Variants in CELF2 observed in about 807,000 individuals in gnomAD.
CELF2 encodes CUG triplet repeat RNA-binding protein 2.
A neutral mutation model predicts 62.6 loss-of-function variants in CELF2; 8 were observed. That is an observed-to-expected ratio of 0.13 (90% CI 0.07 to 0.23). The LOEUF (loss-of-function observed/expected upper bound fraction) is 0.23. CELF2 is among the 10% of genes least tolerant of loss of function. The pLI is 1.00. For synonymous variants in CELF2, 258 were observed against 250.0 expected, an observed-to-expected ratio of 1.03 and a Z score of -0.30; for missense variants, 333 against 671.0, an observed-to-expected ratio of 0.50 and a Z score of 5.56.
intron 3 of CELF2, among the ~76,000 whole-genome samples, chr10:11,232,670 T>A (rs1241760402): frequency 6.6e-6 from 1 of 152,210 alleles, no homozygotes; most frequent in Non-Finnish European, 1.5e-5. Flanking sequence ...TGCATGGTAC[T>A]GATTTCAAGG....
chr10:10,988,081 C>G (rs996763492), intron 2 of CELF2, among the ~76,000 whole-genome samples: 1 of 152,052 alleles, frequency 6.6e-6, no homozygotes, highest in Non-Finnish European at 1.5e-5. Context: ...GTGGATCTAC[C>G]ATTCAATCCA....
At chr10:10,679,832 T>TAGAAC in the CELF2 span, among the ~76,000 whole-genome samples, 1 of 152,354 alleles carries the variant, frequency 6.6e-6, no homozygotes, top group South Asian at 2.1e-4. Context: ...AATGTTACAT[T>TAGAAC]ATTCCTTTTT....
intron 9 of CELF2, among the ~76,000 whole-genome samples, chr10:11,298,811 C>T (rs928686557): frequency 1.9e-4 from 29 of 152,014 alleles, no homozygotes; most frequent in African/African-American, 6.5e-4. Context: ...CGAAATACCA[C>T]AGCTCTGGAG....
At chr10:11,313,999 A>G (rs2094742776) in intron 9 of CELF2, 140 bp from the exon 10 acceptor site, 2 of 854,426 alleles carry the variant, frequency 2.3e-6, no homozygotes, top group African/African-American at 3.4e-5. Context: ...CCACAAGTAC[A>G]ATCCCACATG....
At chr10:11,038,194 G>C (rs562450264) in intron 1 of CELF2, among the ~76,000 whole-genome samples, 2 of 152,324 alleles carry the variant, frequency 1.3e-5, no homozygotes, top group East Asian at 1.9e-4. Context: ...CCAGCAAAGA[G>C]GAGCTGAGGT....
chr10:10,685,519 T>C, the CELF2 span, among the ~76,000 whole-genome samples: 4 of 152,350 alleles, frequency 2.6e-5, 1 homozygote, highest in East Asian at 7.7e-4. Context: ...TAGATTCACT[T>C]CTAATACTAT....
chr10:10,473,646 G>A, the CELF2 span, among the ~76,000 whole-genome samples: 8 of 152,040 alleles, frequency 5.3e-5, no homozygotes, highest in African/African-American at 9.6e-5. Flanking sequence ...TGCTATTTTC[G>A]TTGAGTCATT....
the CELF2 span, among the ~76,000 whole-genome samples, chr10:10,625,464 T>G: frequency 6.6e-6 from 1 of 152,208 alleles, no homozygotes; most frequent in Admixed American, 6.5e-5. Flanking sequence ...TGAAGCACAG[T>G]AATAATGCCT....
chr10:11,132,849 G>A (rs2059822864), intron 1 of CELF2, among the ~76,000 whole-genome samples: 1 of 152,192 alleles, frequency 6.6e-6, no homozygotes, highest in East Asian at 1.9e-4. Context: ...CATTCATGCA[G>A]TGAAATTGCT....
At chr10:11,053,191 ATTTGT>A (rs2064299706) in intron 1 of CELF2, among the ~76,000 whole-genome samples, 1 of 152,222 alleles carries the variant, frequency 6.6e-6, no homozygotes, top group African/African-American at 2.4e-5. Context: ...TTCTCTGGAC[ATTTGT>A]TTTATTATTA....
chr10:10,669,782 C>T, the CELF2 span, among the ~76,000 whole-genome samples: 2 of 152,166 alleles, frequency 1.3e-5, no homozygotes, highest in Non-Finnish European at 2.9e-5. Flanking sequence ...ATTCCCTGTC[C>T]CTCTGAATCC....
At chr10:11,062,452 G>A (rs547952398) in intron 1 of CELF2, among the ~76,000 whole-genome samples, 24 of 152,308 alleles carry the variant, frequency 1.6e-4, no homozygotes, top group South Asian at 1.2e-3. Context: ...TTCATGATTC[G>A]TGGGAGAAGG....
Position 11,319,964 on chromosome 10 carries a change from A to G in CELF2, c.1097-1225A>G, listed in dbSNP as rs1270967575. 4.5e-6 allele frequency: 2 copies of G among 444,742 alleles called. No homozygotes were observed. Among genetic ancestry groups the G allele is most frequent in the Admixed American group, 5.0e-5 (2 of 40,148 alleles). 27.5% of individuals were successfully genotyped at this position (444,742 alleles called of 1,614,324 possible). On this transcript the variant is annotated intron_variant, in intron 10 of 12. Coordinates refer to ENST00000633077, the MANE Select transcript of CELF2 (RefSeq NM_001326342.2). This position sits in a 1 kb window ranked among gnomAD's most constrained non-coding sequence, Gnocchi z 4.4. The stretch of plus-strand genomic sequence containing the variant: ...GGCAGCCTTACCTTAGCTGTCCTCC[A>G]TTCTCATTAGACTTCTTACCTATTT...
At chr10:10,487,003 T>C in the CELF2 span, among the ~76,000 whole-genome samples, 1 of 152,304 alleles carries the variant, frequency 6.6e-6, no homozygotes, top group Admixed American at 6.5e-5. Context: ...TCCCTGTCCA[T>C]CGTATATGCC....
chr10:10,608,400 G>A, the CELF2 span, among the ~76,000 whole-genome samples: 1 of 152,116 alleles, frequency 6.6e-6, no homozygotes, highest in African/African-American at 2.4e-5. Context: ...ATTCCTTTAG[G>A]CAAAATAACA....
chr10:10,883,767 C>A (rs1482374944), intron 1 of CELF2, among the ~76,000 whole-genome samples: 1 of 152,104 alleles, frequency 6.6e-6, no homozygotes, highest in Non-Finnish European at 1.5e-5. Flanking sequence ...TGATATTTGA[C>A]CATATTGACC....
the CELF2 span, among the ~76,000 whole-genome samples, chr10:10,606,036 C>T: frequency 2.0e-5 from 3 of 152,268 alleles, no homozygotes; most frequent in East Asian, 5.8e-4. Context: ...TTGGAAAGCA[C>T]TGGTGTTTTG....
At chr10:10,803,350 C>T (rs926384147) in intron 1 of CELF2, among the ~76,000 whole-genome samples, 4 of 152,236 alleles carry the variant, frequency 2.6e-5, no homozygotes, top group African/African-American at 9.6e-5. Context: ...CCTAAATCTC[C>T]TCCCTCTCTC....
Position 11,008,532 on chromosome 10 carries a change from G to C in CELF2, c.53+3092G>C, listed in dbSNP as rs2055741318. ...TAGAACTTTGTAGCAAGTGCAGATTGTGCTAGAAGACCGAGGAAGTCATTC... is the reference window on the plus strand; with the variant it reads ...TAGAACTTTGTAGCAAGTGCAGATTCTGCTAGAAGACCGAGGAAGTCATTC... On this transcript the variant is annotated intron_variant, in intron 1 of 12. Transcript: ENST00000416382. This position sits in a 1 kb window ranked among gnomAD's most constrained non-coding sequence, Gnocchi z 4.5. Among the ~76,000 whole-genome samples the C allele has an allele frequency of 6.6e-6, 1 of 152,328 alleles. No individual in the cohort carries two copies. Among genetic ancestry groups the C allele is most frequent in the Middle Eastern group, 3.4e-3 (1 of 294 alleles).
Sources: gnomAD v4.1 joint callset for allele counts (sites outside exome capture counted in the v4.1 genomes callset) on GRCh38, gnomAD v4.1.1 for gene constraint, Gnocchi (gnomAD v3.1) non-coding constraint, MANE v1.5 for transcripts, NCBI Gene and HGNC (gene_info 2026-07-23, HGNC 2026-07-21) for gene names.